The following PDE4B variants were observed in gnomAD, a reference collection of about 807,000 sequenced individuals.
PDE4B encodes phosphodiesterase 4B.
PDE4B carries 20 observed loss-of-function variants against 82.2 expected under a neutral mutation model. That is an observed-to-expected ratio of 0.24 (90% CI 0.17 to 0.35). PDE4B has a LOEUF of 0.35. PDE4B is among the 10% of genes least tolerant of loss of function. The probability of loss-of-function intolerance (pLI) is 1.00; values close to 1 mark genes in which losing one functional copy is unlikely to be tolerated. For synonymous variants in PDE4B, 320 were observed against 318.9 expected, an observed-to-expected ratio of 1.00 and a Z score of -0.04; for missense variants, 655 against 907.2, an observed-to-expected ratio of 0.72 and a Z score of 3.57.
At chr1:66,053,950 C>G (rs1655172400) in intron 3 of PDE4B, among the ~76,000 whole-genome samples, 1 of 152,044 alleles carries the variant, frequency 6.6e-6, no homozygotes, top group African/African-American at 2.4e-5. Context: ...GAGGAGTTTC[C>G]CAGGACACAG....
intron 3 of PDE4B, among the ~76,000 whole-genome samples, chr1:66,245,177 C>T (rs1287856198): frequency 1.3e-5 from 2 of 152,172 alleles, no homozygotes; most frequent in African/African-American, 4.8e-5. Context: ...TGCTTCCAGA[C>T]ACCAATCCTT....
rs541432072 is a variant in PDE4B at position 66,066,065 on chromosome 1, T to C, written c.281+147230T>C. ...TCATTCAGTCTTCTTTTGGGTGCTT[T>C]TGTTCTTCCTTCTAGTAACAAAAAT... On this transcript the variant is annotated intron_variant, in intron 3 of 16. Transcript: ENST00000341517. Among the ~76,000 whole-genome samples, 3 of 151,796 alleles carry C rather than the reference T, an allele frequency of 2.0e-5. No homozygotes were observed. In the East Asian group the frequency reaches 5.8e-4, roughly 29 times the overall value.
intron 3 of PDE4B, among the ~76,000 whole-genome samples, chr1:66,156,771 C>G (rs755299661): frequency 6.6e-6 from 1 of 152,140 alleles, no homozygotes; most frequent in Non-Finnish European, 1.5e-5. Context: ...GAATGCCCAT[C>G]GTGTCTATTC....
intron 3 of PDE4B, among the ~76,000 whole-genome samples, chr1:66,159,159 T>A (rs1354733063): frequency 6.6e-6 from 1 of 152,224 alleles, no homozygotes; most frequent in Non-Finnish European, 1.5e-5. Flanking sequence ...GATTTGATCA[T>A]TACATAATGT....
intron 1 of PDE4B, among the ~76,000 whole-genome samples, chr1:65,903,033 A>C (rs562155059): frequency 1.3e-5 from 2 of 152,192 alleles, no homozygotes; most frequent in Admixed American, 1.3e-4. Flanking sequence ...TGGTATGGCA[A>C]ACATTACAAA....
intron 3 of PDE4B, among the ~76,000 whole-genome samples, chr1:66,136,227 A>G (rs991804875): frequency 6.6e-6 from 1 of 152,184 alleles, no homozygotes. Context: ...CTCAGGTGCT[A>G]TAGCATTTAT....
chr1:66,283,653 T>C, intron 7 of PDE4B, among the ~76,000 whole-genome samples: 1 of 152,276 alleles, frequency 6.6e-6, no homozygotes, highest in Admixed American at 6.5e-5. Flanking sequence ...TCTTTTTCTG[T>C]GGCCCTTGTA....
chr1:65,831,428 A>G (rs1646080502), intron 1 of PDE4B, among the ~76,000 whole-genome samples: 1 of 152,176 alleles, frequency 6.6e-6, no homozygotes, highest in Non-Finnish European at 1.5e-5. Flanking sequence ...TAAATTCAGC[A>G]GCTTTGAGGG....
chr1:66,128,989 C>A (rs557363359), intron 3 of PDE4B, among the ~76,000 whole-genome samples: 1 of 152,240 alleles, frequency 6.6e-6, no homozygotes, highest in East Asian at 1.9e-4. Context: ...TGGTTGGGGA[C>A]ACAGCCGAAC....
intron 7 of PDE4B, among the ~76,000 whole-genome samples, chr1:66,285,843 G>A (rs1656640115): frequency 1.3e-5 from 2 of 152,168 alleles, no homozygotes; most frequent in Non-Finnish European, 2.9e-5. Context: ...CTGTCAGGAA[G>A]AAAGAACCAA....
rs552162668 is a variant in PDE4B, at chr1:65,983,381, A to G, written c.281+64546A>G. ...TTGCATATGACAGACAACGACATGA[A>G]TTTTTGGGGTCAGAGGATGGACGTT... is the stretch of plus-strand genomic sequence containing the variant. On this transcript the variant is annotated intron_variant, in intron 3 of 16. Coordinates refer to ENST00000341517, the MANE Select transcript of PDE4B (RefSeq NM_002600.4). Among the ~76,000 whole-genome samples, 29 of 152,236 alleles carry G rather than the reference A, an allele frequency of 1.9e-4. 1 individual carries two copies. In the South Asian group the frequency reaches 6.0e-3, roughly 32 times the overall value.
chr1:66,336,229 C>T, intron 8 of PDE4B, among the ~76,000 whole-genome samples: 1 of 152,120 alleles, frequency 6.6e-6, no homozygotes, highest in East Asian at 1.9e-4. Flanking sequence ...TTTCCTGTCT[C>T]CTTCCTGACA....
rs542939995 is a variant in PDE4B at position 66,127,428 on chromosome 1, TC to T, written c.282-120030del. On this transcript the variant is annotated intron_variant, in intron 3 of 16. Transcript: ENST00000341517. ...AAGGGTATATAATGTTGAAAGCTGA[TC>T]CAAATCATTGTGTTAAAGGAAATTT... Among the ~76,000 whole-genome samples the T allele has an allele frequency of 1.2e-3, 190 of 152,282 alleles. 1 individual carries two copies. Among genetic ancestry groups the T allele is most frequent in the African/African-American group, 4.5e-3 (189 of 41,572 alleles).
intron 3 of PDE4B, among the ~76,000 whole-genome samples, chr1:65,922,581 G>C (rs1569692219): frequency 6.6e-6 from 1 of 152,130 alleles, no homozygotes; most frequent in African/African-American, 2.4e-5. Flanking sequence ...GACCTGGGCA[G>C]GATCCCCTCA....
At chr1:66,181,097 C>A (rs782329) in intron 3 of PDE4B, among the ~76,000 whole-genome samples, 77,925 of 151,956 alleles carry the variant, frequency 0.51, 21,095 homozygotes, top group African/African-American at 0.7. Flanking sequence ...TGCTGAGTGA[C>A]AGGAATGATG....
chr1:66,145,511 T>G (rs1266525329), intron 3 of PDE4B, among the ~76,000 whole-genome samples: 1 of 152,182 alleles, frequency 6.6e-6, no homozygotes, highest in Non-Finnish European at 1.5e-5. Flanking sequence ...TGCTATGGGC[T>G]CTTATGGGCT....
rs752655533 is a variant in PDE4B at position 66,247,453 on chromosome 1, C to T, written c.282-7C>T. The T allele has an allele frequency of 8.4e-6, 13 of 1,553,206 alleles. No homozygotes were observed. The highest frequency in any genetic ancestry group is 1.0e-5 in the Non-Finnish European group (12 of 1,151,416). On this transcript the variant is annotated splice_polypyrimidine_tract_variant and splice_region_variant and intron_variant, in intron 3 of 16. Coordinates refer to ENST00000341517, the MANE Select transcript of PDE4B (RefSeq NM_002600.4). ...ATGTGACCAGAGTTTCCCACTTTCT[C>T]TTTAAGCTTTGATGTGGAAAATGGC... is the stretch of plus-strand genomic sequence containing the variant.
intron 3 of PDE4B, among the ~76,000 whole-genome samples, chr1:66,136,602 C>T (rs1366892007): frequency 6.9e-6 from 1 of 144,370 alleles, no homozygotes; most frequent in Non-Finnish European, 1.5e-5. Flanking sequence ...CCCAGCTACT[C>T]GGTAGGCTGG....
chr1:66,191,995 A>G (rs471257), intron 3 of PDE4B, among the ~76,000 whole-genome samples: 35,281 of 152,128 alleles, frequency 0.23, 4,208 homozygotes, highest in African/African-American at 0.28. Flanking sequence ...GGGAGCTACA[A>G]TTCAAGATGA....
Sources: allele counts gnomAD v4.1 joint callset (sites outside exome capture counted in the v4.1 genomes callset), GRCh38; gene constraint gnomAD v4.1.1; transcripts MANE v1.5; gene names NCBI Gene and HGNC (gene_info 2026-07-23, HGNC 2026-07-21).